The following OXTR variants were observed in gnomAD, a reference collection of about 807,000 sequenced individuals.
OXTR encodes the protein oxytocin receptor.
OXTR carries 19 observed loss-of-function variants against 23.9 expected under a neutral mutation model. The observed-to-expected ratio is 0.80, with a 90% confidence interval of 0.56 to 1.17. OXTR has a LOEUF of 1.17. Ranked by LOEUF, OXTR falls within the 50% of genes most tolerant of loss-of-function variation. The pLI is 0.00. For synonymous variants in OXTR, 278 were observed against 250.5 expected (o/e 1.11, Z -1.04); for missense variants, 500 against 550.7 (o/e 0.91, Z 0.92).
the OXTR span, among the ~76,000 whole-genome samples, chr3:8,742,270 C>T: frequency 1.3e-5 from 2 of 148,372 alleles, no homozygotes; most frequent in South Asian, 4.2e-4. Context: ...CTGAGATTCA[C>T]AGAAAATAGA....
chr3:8,748,268 T>C (rs182099327), downstream of OXTR, among the ~76,000 whole-genome samples: 35 of 152,308 alleles, frequency 2.3e-4, no homozygotes, highest in African/African-American at 7.7e-4. Context: ...AAATATTTGT[T>C]AGGGTTCCTT....
At chr3:8,741,829 C>A in the OXTR span, among the ~76,000 whole-genome samples, 2 of 152,190 alleles carry the variant, frequency 1.3e-5, no homozygotes, top group South Asian at 4.1e-4. Flanking sequence ...ACACCTTCCC[C>A]GCCCTCTCAG....
At chr3:8,744,445 ATTTTT>A in the OXTR span, among the ~76,000 whole-genome samples, 7,376 of 111,428 alleles carry the variant, frequency 0.066, 180 homozygotes, top group Non-Finnish European at 0.085. Context: ...TACCCGGCTA[ATTTTT>A]TTTTTTTTTT....
At position 8,751,849 on chromosome 3, in the gene OXTR, C is replaced by A. The variant is rs528140964; in HGVS notation, c.*1128G>T. 6.6e-6 allele frequency: 1 copy of A among 152,242 alleles called. No homozygotes were observed. Among genetic ancestry groups the A allele is most frequent in the South Asian group, 2.1e-4 (1 of 4,822 alleles). The allele number at this position is 152,242 out of a possible 1,614,324, so 9.4% of individuals were successfully genotyped here. ...CAAGGCTTATTTGGATATTCTGGGT[C>A]CCTTGCATTTCTTTATGAATTTTGG... On this transcript the variant is annotated 3_prime_UTR_variant, in exon 4 of 4. Transcript: ENST00000316793.
chr3:8,759,248 A>C (rs371323609), intron 3 of OXTR, among the ~76,000 whole-genome samples: 2 of 152,346 alleles, frequency 1.3e-5, no homozygotes, highest in South Asian at 4.1e-4. Context: ...AACCCTTTTC[A>C]AATGACACTT....
At chr3:8,741,685 T>TA in the OXTR span, among the ~76,000 whole-genome samples, 4 of 152,096 alleles carry the variant, frequency 2.6e-5, no homozygotes, top group Non-Finnish European at 4.4e-5. Flanking sequence ...CACCCACAGA[T>TA]ATCCTATTTG....
chr3:8,761,542 G>C (rs1227131422), intron 3 of OXTR, among the ~76,000 whole-genome samples: 2 of 152,148 alleles, frequency 1.3e-5, no homozygotes, highest in Admixed American at 1.3e-4. Flanking sequence ...TCAGTCTCTA[G>C]TGTAAGATGG....
At chr3:8,746,797 T>TCCACACA (rs113631543), downstream of OXTR, 2 of 132,970 alleles carry the variant, frequency 1.5e-5, no homozygotes, top group Non-Finnish European at 3.5e-5. Flanking sequence ...TCTCTCTCTC[T>TCCACACA]CTCACACACA....
In OXTR at chr3:8,752,867, T is replaced by G; in HGVS notation, c.*110A>C. 1 of 1,224,128 alleles carries G rather than the reference T, an allele frequency of 8.2e-7. No individual in the cohort carries two copies. The highest frequency in any genetic ancestry group is 1.1e-6 in the Non-Finnish European group (1 of 903,298). The allele number at this position is 1,224,128 out of a possible 1,614,324, so 75.8% of individuals were successfully genotyped here. A position where few individuals can be genotyped will look rare whatever the true frequency, so the allele number is the denominator to read the frequency against. On this transcript the variant is annotated 3_prime_UTR_variant, in exon 4 of 4. Coordinates refer to ENST00000316793, the MANE Select transcript of OXTR (RefSeq NM_000916.4). ...GAAGCCACCCCAAGGAGGGGAGGGA[T>G]ACAAACTGATAGGTACCTTATACAC...
At chr3:8,766,559 G>A (rs1292123887) in intron 3 of OXTR, among the ~76,000 whole-genome samples, 1 of 151,728 alleles carries the variant, frequency 6.6e-6, no homozygotes, top group Non-Finnish European at 1.5e-5. Context: ...TGGAAGTGAA[G>A]TCTCAGTCCT....
chr3:8,759,177 G>A (rs1708437197), intron 3 of OXTR, among the ~76,000 whole-genome samples: 1 of 152,206 alleles, frequency 6.6e-6, no homozygotes, highest in South Asian at 2.1e-4. Flanking sequence ...CACCGTTCTT[G>A]ATCTCAATGT....
intron 3 of OXTR, among the ~76,000 whole-genome samples, chr3:8,762,479 C>T (rs181479787): frequency 2.8e-4 from 43 of 152,330 alleles, no homozygotes; most frequent in Non-Finnish European, 5.0e-4. Context: ...AACTGTCCAT[C>T]TAATTGTGAT....
chr3:8,757,279 CATTAGTATTAAT>C (rs892458662), intron 3 of OXTR, among the ~76,000 whole-genome samples: 6 of 148,936 alleles, frequency 4.0e-5, no homozygotes, highest in African/African-American at 1.3e-4. Flanking sequence ...TTATCATTAA[CATTAGTATTAAT>C]ATTAGTATTA....
rs202137768 is a variant in OXTR at position 8,751,663 on chromosome 3, A to G, written c.*1314T>C. On this transcript the variant is annotated 3_prime_UTR_variant, in exon 4 of 4. Coordinates refer to ENST00000316793, the MANE Select transcript of OXTR (RefSeq NM_000916.4). Reference sequence around the variant, plus strand: ...CCTTTCTCTATTGAATTGTCTTGGGAACCTTGTCAAAAATCAATTGACCGT... The same window carrying G: ...CCTTTCTCTATTGAATTGTCTTGGGGACCTTGTCAAAAATCAATTGACCGT... The G allele has an allele frequency of 2.6e-5, 4 of 152,114 alleles. No individual in the cohort carries two copies. Among genetic ancestry groups the G allele is most frequent in the African/African-American group, 9.7e-5 (4 of 41,400 alleles). 9.4% of individuals were successfully genotyped at this position (152,114 alleles called of 1,614,324 possible).
At chr3:8,748,017 T>C (rs1469582266), downstream of OXTR, among the ~76,000 whole-genome samples, 1 of 152,220 alleles carries the variant, frequency 6.6e-6, no homozygotes, top group Non-Finnish European at 1.5e-5. Flanking sequence ...TCCAGGAATC[T>C]CCTTGAGAAG....
chr3:8,757,620 G>A (rs896889744), intron 3 of OXTR, among the ~76,000 whole-genome samples: 1 of 152,166 alleles, frequency 6.6e-6, no homozygotes, highest in African/African-American at 2.4e-5. Flanking sequence ...GGAAGAGCCA[G>A]TTCTAATCAT....
chr3:8,766,958 C>T (rs1414364483), intron 3 of OXTR, among the ~76,000 whole-genome samples: 1 of 152,306 alleles, frequency 6.6e-6, no homozygotes, highest in East Asian at 1.9e-4. Flanking sequence ...GTAAACCATA[C>T]AGCCCATATG....
At chr3:8,762,746 T>C (rs1249912913) in intron 3 of OXTR, among the ~76,000 whole-genome samples, 1 of 152,198 alleles carries the variant, frequency 6.6e-6, no homozygotes, top group African/African-American at 2.4e-5. Context: ...GGGGAAACAG[T>C]TCAAACCAGG....
downstream of OXTR, chr3:8,745,877 G>A (rs1245322725): frequency 1.2e-6 from 2 of 1,605,410 alleles, no homozygotes; most frequent in East Asian, 4.5e-5. The surrounding 1 kb of genome is among the most constrained non-coding windows in gnomAD (Gnocchi z 4.8). Context: ...AAGCCAGGTG[G>A]GGCAACAGCG....
Sources: allele counts gnomAD v4.1 joint callset (sites outside exome capture counted in the v4.1 genomes callset), GRCh38; gene constraint gnomAD v4.1.1; non-coding constraint Gnocchi (gnomAD v3.1); transcripts MANE v1.5; gene names NCBI Gene and HGNC (gene_info 2026-07-23, HGNC 2026-07-21).